EFL1: variants seen among roughly 807,000 people sequenced by gnomAD.
The protein encoded by EFL1 is elongation factor like GTPase 1.
In EFL1, 76 loss-of-function variants were observed where a neutral mutation model predicts 126.7. The ratio of observed to expected loss-of-function variants is 0.60; its 90% CI spans 0.50 to 0.73. The LOEUF is 0.73. EFL1 is among the 30% of genes least tolerant of loss of function. EFL1 has a pLI of 0.00. For synonymous variants in EFL1, 410 were observed against 448.4 expected (o/e 0.91, Z 1.08); for missense variants, 1,128 against 1,343.2 (o/e 0.84, Z 2.50).
intron 19 of EFL1, among the ~76,000 whole-genome samples, chr15:82,133,481 A>C (rs188983814): frequency 6.6e-6 from 1 of 152,356 alleles, no homozygotes; most frequent in African/African-American, 2.4e-5. Context: ...GCACAATGGT[A>C]CTAGCTAAGT....
intron 18 of EFL1, among the ~76,000 whole-genome samples, chr15:82,143,783 G>A: frequency 6.6e-6 from 1 of 152,116 alleles, no homozygotes; most frequent in East Asian, 1.9e-4. Flanking sequence ...AAAAAAGAAG[G>A]CACAATGATC....
chr15:82,145,154 T>C (rs1173777364), intron 18 of EFL1, among the ~76,000 whole-genome samples: 1 of 151,316 alleles, frequency 6.6e-6, no homozygotes, highest in African/African-American at 2.4e-5. Flanking sequence ...AAATATAAAA[T>C]TAGCCGGGCG....
Position 82,138,817 on chromosome 15 carries a change from C to T in EFL1, c.3015G>A (p.Lys1005=). 6.2e-7 allele frequency: 1 copy of T among 1,613,754 alleles called. No individual in the cohort carries two copies. Among genetic ancestry groups the T allele is most frequent in the Non-Finnish European group, 8.5e-7 (1 of 1,179,790 alleles). The change falls in exon 19 of 20, where the codon AAG becomes AAA. Residue 1005 remains lysine, a synonymous_variant. Coordinates refer to ENST00000268206, the MANE Select transcript of EFL1 (RefSeq NM_024580.6). ...CTTCTTGAAGTACCCGACCTTCTCT[C>T]TTTGACAAGACAGCATAGACTCGAC... The part of the protein sequence containing the change: ...VLGRVYAVLS[K]REGRVLQEEM...
intron 4 of EFL1, among the ~76,000 whole-genome samples, chr15:82,241,957 C>A (rs1469018086): frequency 1.3e-5 from 2 of 152,150 alleles, no homozygotes; most frequent in Non-Finnish European, 2.9e-5. Context: ...ATGTGCTCTC[C>A]CATTAATATC....
intron 3 of EFL1, among the ~76,000 whole-genome samples, chr15:82,254,470 A>G (rs2075050236): frequency 6.6e-6 from 1 of 152,206 alleles, no homozygotes; most frequent in African/African-American, 2.4e-5. Context: ...AAAGGAAAAA[A>G]AAAAATGTTT....
At chr15:82,259,312 CA>C (rs1156561861) in intron 2 of EFL1, among the ~76,000 whole-genome samples, 157 bp from the exon 3 acceptor site, 1 of 152,164 alleles carries the variant, frequency 6.6e-6, no homozygotes, top group Non-Finnish European at 1.5e-5. Context: ...GACTTTTGAA[CA>C]GAATATCATC....
At position 82,152,359 on chromosome 15, in the gene EFL1, G is replaced by A. The variant is rs990639594; in HGVS notation, c.2095C>T (p.Pro699Ser). Residue 699 changes from proline (P) to serine (S), a missense_variant, in exon 18 of 20, where the codon CCC becomes TCC. Physicochemically the swap from Pro to Ser is moderately conservative, Grantham distance 74 (BLOSUM62 -1). Around this residue, in one of 6 missense-constraint regions of EFL1, gnomAD observed 561 missense variants for 641.7 expected, o/e 0.87. Transcript: ENST00000268206. ...IIPFRETITK[P>S]PKVDMVNEEI... is the part of the protein sequence containing the mutation. ...TCATTGACCATGTCAACTTTTGGGG[G>A]TTTTGTGATTGTTTCTCTGAATGGA... The A allele has an allele frequency of 1.2e-6, 2 of 1,613,482 alleles. No individual in the cohort carries two copies. The highest frequency in any genetic ancestry group is 4.5e-5 in the East Asian group (2 of 44,900).
intron 2 of EFL1, among the ~76,000 whole-genome samples, chr15:82,260,769 T>C (rs530335388): frequency 6.6e-6 from 1 of 152,342 alleles, no homozygotes; most frequent in Non-Finnish European, 1.5e-5. Flanking sequence ...TCAACTCTTA[T>C]CCCAGTTCCT....
chr15:82,186,324 G>C (rs2074303130), intron 15 of EFL1, among the ~76,000 whole-genome samples: 1 of 152,080 alleles, frequency 6.6e-6, no homozygotes, highest in Admixed American at 6.6e-5. Flanking sequence ...AAGCAATAAG[G>C]GGGAAAGGCC....
At chr15:82,259,941 T>C (rs113321938) in intron 2 of EFL1, among the ~76,000 whole-genome samples, 19 of 152,214 alleles carry the variant, frequency 1.2e-4, no homozygotes, top group African/African-American at 4.6e-4. Flanking sequence ...TGTATTAGCA[T>C]ATAATCCTAG....
At chr15:82,220,036 A>C in intron 13 of EFL1, 42 bp downstream of exon 13, 1 of 1,551,244 alleles carries the variant, frequency 6.4e-7, no homozygotes. Context: ...TTAAGCAAAA[A>C]GGCAAATACT....
At chr15:82,178,879 C>T (rs997918316) in intron 15 of EFL1, among the ~76,000 whole-genome samples, 1 of 152,142 alleles carries the variant, frequency 6.6e-6, no homozygotes, top group Non-Finnish European at 1.5e-5. Flanking sequence ...TGGTGGCTCA[C>T]ACCTATAATC....
chr15:82,142,755 A>G (rs942135045), intron 18 of EFL1, among the ~76,000 whole-genome samples: 1 of 152,316 alleles, frequency 6.6e-6, no homozygotes, highest in African/African-American at 2.4e-5. Context: ...AAGCCAAGGT[A>G]TATCACTCAC....
At chr15:82,162,633 A>G (rs570040671) in intron 16 of EFL1, among the ~76,000 whole-genome samples, 1 of 152,202 alleles carries the variant, frequency 6.6e-6, no homozygotes, top group Non-Finnish European at 1.5e-5. Context: ...GTGTCAGTCC[A>G]CAGTGACAGC....
At chr15:82,198,624 A>C (rs1213070879) in intron 15 of EFL1, among the ~76,000 whole-genome samples, 4 of 152,312 alleles carry the variant, frequency 2.6e-5, no homozygotes, top group Admixed American at 2.0e-4. Flanking sequence ...AAATACAGGA[A>C]AACCCAAGAC....
chr15:82,196,058 T>C (rs2141276177), intron 15 of EFL1, among the ~76,000 whole-genome samples: 1 of 152,242 alleles, frequency 6.6e-6, no homozygotes. Context: ...AGAGACAGCG[T>C]GTACCGAGAC....
At chr15:82,207,707 T>A (rs2074539987) in intron 15 of EFL1, among the ~76,000 whole-genome samples, 1 of 146,958 alleles carries the variant, frequency 6.8e-6, no homozygotes, top group Non-Finnish European at 1.5e-5. Flanking sequence ...AAGTTGAGAA[T>A]AATTGATTGA....
At chr15:82,180,388 C>A (rs7165143) in intron 15 of EFL1, among the ~76,000 whole-genome samples, 2,659 of 95,392 alleles carry the variant, frequency 0.028, 86 homozygotes, top group African/African-American at 0.12. Context: ...AAAAAACAAA[C>A]AAAAAAAACC....
intron 17 of EFL1, 44 bp from the exon 18 acceptor site, chr15:82,152,467 A>C: frequency 6.7e-7 from 1 of 1,501,618 alleles, no homozygotes; most frequent in Admixed American, 2.0e-5. Context: ...TAAAATCAAA[A>C]TAGCATCAAA....
Sources: gnomAD v4.1 joint callset for allele counts (sites outside exome capture counted in the v4.1 genomes callset) on GRCh38, gnomAD v4.1.1 for gene constraint, gnomAD v4.1.1 regional missense constraint, MANE v1.5 for transcripts, NCBI Gene and HGNC (gene_info 2026-07-23, HGNC 2026-07-21) for gene names.